Variants in NLN observed in about 807,000 individuals in gnomAD.
NLN encodes the protein neurolysin, mitochondrial.
Under a neutral mutation model 79.9 loss-of-function variants are expected in NLN, and 64 were observed. The ratio of observed to expected loss-of-function variants is 0.80; its 90% confidence interval spans 0.65 to 0.99. The LOEUF (loss-of-function observed/expected upper bound fraction) is 0.99. Among genes scored for constraint, NLN ranks in the 50% least tolerant of loss-of-function variants. NLN has a pLI of 0.00. For synonymous variants in NLN, 267 were observed against 296.6 expected, an observed-to-expected ratio of 0.90 and a Z score of 1.02; for missense variants, 835 against 858.7, an observed-to-expected ratio of 0.97 and a Z score of 0.34.
At chr5:65,740,507 A>T (rs191575442) in intron 1 of NLN, among the ~76,000 whole-genome samples, 1 of 152,318 alleles carries the variant, frequency 6.6e-6, no homozygotes, top group East Asian at 1.9e-4. Context: ...ACAAGCATTC[A>T]AACCATAACC....
Position 65,788,496 on chromosome 5 carries a change from C to A in NLN, c.1325+12C>A, listed in dbSNP as rs570651227. On this transcript the variant is annotated intron_variant, in intron 8 of 12. Transcript: ENST00000380985. ...GACCTCTATCCAAGGTACTGAGGAT[C>A]ACGTTGTTGGAAGGGACCTTAGGGA... 1.2e-6 allele frequency: 2 copies of A among 1,606,248 alleles called. No homozygotes were observed. The highest frequency in any genetic ancestry group is 2.2e-5 in the South Asian group (2 of 90,298).
intron 1 of NLN, among the ~76,000 whole-genome samples, chr5:65,727,773 G>T (rs972487543): frequency 1.3e-5 from 2 of 152,030 alleles, no homozygotes; most frequent in Non-Finnish European, 2.9e-5. Context: ...TTGTTTTTTG[G>T]TTTTTGTTTT....
Position 65,812,343 on chromosome 5 carries a change from G to A in NLN, c.1932G>A (p.Met644Ile). The change falls in exon 12 of 13, where the codon ATG (methionine) becomes ATA (isoleucine). Residue 644 changes from methionine to isoleucine, a missense_variant. Coordinates refer to ENST00000380985, the MANE Select transcript of NLN (RefSeq NM_020726.5). Reference protein sequence around the residue: ...YGYLWSEVFSMDMFYSCFKKE... With the variant: ...YGYLWSEVFSIDMFYSCFKKE... Reference sequence around the variant, plus strand: ...ATCTTTGGAGTGAAGTATTTTCCATGGATATGTTTTACAGCTGTTTTAAAA... The same window carrying A: ...ATCTTTGGAGTGAAGTATTTTCCATAGATATGTTTTACAGCTGTTTTAAAA... The A allele has an allele frequency of 6.3e-7, 1 of 1,576,040 alleles. No individual in the cohort carries two copies. The highest frequency in any genetic ancestry group is 8.7e-7 in the Non-Finnish European group (1 of 1,145,608).
At chr5:65,769,215 G>A (rs1759516710) in intron 3 of NLN, among the ~76,000 whole-genome samples, 1 of 152,236 alleles carries the variant, frequency 6.6e-6, no homozygotes, top group Non-Finnish European at 1.5e-5. Context: ...CCACATCTCA[G>A]TCTGGGGAGT....
intron 1 of NLN, among the ~76,000 whole-genome samples, chr5:65,725,589 G>A (rs140368617): frequency 1.3e-5 from 2 of 152,218 alleles, no homozygotes; most frequent in East Asian, 1.9e-4. Flanking sequence ...CTATTTAGTC[G>A]GAAAAGTCTT....
chr5:65,795,209 G>C (rs1244068475), intron 9 of NLN, among the ~76,000 whole-genome samples: 1 of 152,042 alleles, frequency 6.6e-6, no homozygotes, highest in Non-Finnish European at 1.5e-5. Context: ...AAAAAAATTA[G>C]CTGGGTGCGG....
chr5:65,731,880 AG>A (rs1758619802), intron 1 of NLN, among the ~76,000 whole-genome samples: 4 of 149,774 alleles, frequency 2.7e-5, no homozygotes, highest in Non-Finnish European at 5.9e-5. Flanking sequence ...CCTTCCAAGT[AG>A]TTGGGACTAC....
chr5:65,761,533 C>A (rs1359543978), intron 2 of NLN, among the ~76,000 whole-genome samples: 1 of 152,068 alleles, frequency 6.6e-6, no homozygotes, highest in Non-Finnish European at 1.5e-5. Flanking sequence ...CTCAGATGAT[C>A]CACCTGCCTC....
chr5:65,799,591 T>G (rs1474119406), intron 9 of NLN, among the ~76,000 whole-genome samples: 1 of 152,240 alleles, frequency 6.6e-6, no homozygotes, highest in East Asian at 1.9e-4. Context: ...TGAGTTTGAA[T>G]AGTACCTTTA....
chr5:65,737,453 C>G (rs1758752375), intron 1 of NLN, among the ~76,000 whole-genome samples: 1 of 152,098 alleles, frequency 6.6e-6, no homozygotes, highest in Admixed American at 6.5e-5. Flanking sequence ...GACAAGTTTT[C>G]TGAAATCAGC....
At chr5:65,722,924 C>G (rs1758351630) in intron 1 of NLN, 1 of 153,006 alleles carries the variant, frequency 6.5e-6, no homozygotes, top group South Asian at 2.0e-4. Flanking sequence ...TCCTCCTCCC[C>G]ATAAAACAAA....
At chr5:65,811,668 T>C (rs2707786) in intron 11 of NLN, among the ~76,000 whole-genome samples, 109,417 of 151,762 alleles carry the variant, frequency 0.72, 39,792 homozygotes, top group African/African-American at 0.8. Flanking sequence ...CTAAAAAATA[T>C]GAAAATTAGC....
At chr5:65,768,374 C>T (rs1365524689) in intron 3 of NLN, among the ~76,000 whole-genome samples, 3 of 152,122 alleles carry the variant, frequency 2.0e-5, no homozygotes, top group African/African-American at 7.2e-5. Context: ...AAGCATTAGA[C>T]ACTTATAAAA....
chr5:65,769,392 C>G (rs1759520061), intron 3 of NLN, among the ~76,000 whole-genome samples: 1 of 152,128 alleles, frequency 6.6e-6, no homozygotes, highest in African/African-American at 2.4e-5. Context: ...TTGGAAATAA[C>G]AAAGTATAAC....
At chr5:65,803,325 C>T (rs1401664561) in intron 9 of NLN, among the ~76,000 whole-genome samples, 1 of 152,218 alleles carries the variant, frequency 6.6e-6, no homozygotes, top group African/African-American at 2.4e-5. Context: ...AGTGCCAAGC[C>T]ACGCTCAGTT....
chr5:65,817,139 C>A (rs920766704), intron 12 of NLN, among the ~76,000 whole-genome samples: 1 of 152,112 alleles, frequency 6.6e-6, no homozygotes, highest in African/African-American at 2.4e-5. Context: ...GGGCCTCTAT[C>A]AAAGTATAAT....
chr5:65,728,969 G>A (rs2561208), intron 1 of NLN, among the ~76,000 whole-genome samples: 15,934 of 152,014 alleles, frequency 0.1, 1,051 homozygotes, highest in Non-Finnish European at 0.15. Flanking sequence ...TCAGCCTCCC[G>A]AGTAGCTGGG....
intron 1 of NLN, among the ~76,000 whole-genome samples, chr5:65,757,003 G>A (rs1020087584): frequency 3.3e-5 from 5 of 152,060 alleles, no homozygotes; most frequent in Admixed American, 6.5e-5. Context: ...GGTTCCCTTC[G>A]TTTGGAGTTC....
intron 1 of NLN, among the ~76,000 whole-genome samples, chr5:65,729,467 T>C (rs1378860954): frequency 3.3e-5 from 5 of 149,464 alleles, no homozygotes; most frequent in African/African-American, 1.2e-4. Context: ...CTCCGCCTCC[T>C]GGGTTCAAGT....
Sources: gnomAD v4.1 joint callset for allele counts (sites outside exome capture counted in the v4.1 genomes callset) on GRCh38, gnomAD v4.1.1 for gene constraint, MANE v1.5 for transcripts, NCBI Gene and HGNC (gene_info 2026-07-23, HGNC 2026-07-21) for gene names.